The following AP3S1 variants were observed in gnomAD, a reference collection of about 807,000 sequenced individuals.
The protein encoded by AP3S1 is AP-3 complex subunit sigma-1.
In AP3S1, 12 loss-of-function variants were observed where a neutral mutation model predicts 21.3. The observed-to-expected ratio is 0.56, with a 90% CI of 0.36 to 0.91. The LOEUF (loss-of-function observed/expected upper bound fraction) is 0.91. Among genes scored for constraint, AP3S1 ranks in the 40% least tolerant of loss-of-function variants. AP3S1 has a pLI of 0.01. For synonymous variants in AP3S1, 48 were observed against 78.4 expected (o/e 0.61, Z 2.05); for missense variants, 116 against 225.0 (o/e 0.52, Z 3.10).
intron 3 of AP3S1, among the ~76,000 whole-genome samples, chr5:115,873,599 G>A (rs1483010258): frequency 6.6e-6 from 1 of 152,110 alleles, no homozygotes; most frequent in African/African-American, 2.4e-5. Context: ...ATTAAATACT[G>A]AAGAGGGAGT....
intron 4 of AP3S1, among the ~76,000 whole-genome samples, chr5:115,896,291 T>G (rs1447104359): frequency 6.6e-6 from 1 of 152,254 alleles, no homozygotes; most frequent in Non-Finnish European, 1.5e-5. Flanking sequence ...GCCAGTATTC[T>G]AGATCATATC....
intron 3 of AP3S1, among the ~76,000 whole-genome samples, chr5:115,885,131 G>C (rs1749668020): frequency 6.6e-6 from 1 of 151,976 alleles, no homozygotes; most frequent in African/African-American, 2.4e-5. Context: ...CTTCCTCCTG[G>C]TTCCAAAGAC....
chr5:115,885,691 T>A (rs1005359234), intron 3 of AP3S1, among the ~76,000 whole-genome samples: 28 of 152,302 alleles, frequency 1.8e-4, no homozygotes, highest in African/African-American at 6.7e-4. Flanking sequence ...AAACAATACT[T>A]TACCAGCTAT....
At chr5:115,878,579 A>G (rs1278442564) in intron 3 of AP3S1, among the ~76,000 whole-genome samples, 1 of 152,116 alleles carries the variant, frequency 6.6e-6, no homozygotes, top group Non-Finnish European at 1.5e-5. Flanking sequence ...CACCAGTACC[A>G]TGCTGTTTGG....
intron 1 of AP3S1, among the ~76,000 whole-genome samples, chr5:115,845,440 C>T (rs1054259404): frequency 1.3e-4 from 20 of 152,140 alleles, no homozygotes; most frequent in African/African-American, 4.1e-4. Context: ...TTGTTAGATT[C>T]GATTGTGGCT....
At chr5:115,892,470 G>A (rs1380465198) in intron 3 of AP3S1, among the ~76,000 whole-genome samples, 4 of 152,272 alleles carry the variant, frequency 2.6e-5, no homozygotes, top group African/African-American at 9.6e-5. Flanking sequence ...AATGGAGTAC[G>A]AGCAAAAAGA....
At chr5:115,882,253 A>G (rs1489264441) in intron 3 of AP3S1, among the ~76,000 whole-genome samples, 2 of 151,936 alleles carry the variant, frequency 1.3e-5, no homozygotes, top group Non-Finnish European at 2.9e-5. Flanking sequence ...CTTTTGAGGA[A>G]CTGTGGACCT....
At chr5:115,863,513 G>T (rs1404817027) in intron 1 of AP3S1, among the ~76,000 whole-genome samples, 3 of 152,066 alleles carry the variant, frequency 2.0e-5, no homozygotes, top group Non-Finnish European at 2.9e-5. Context: ...GTGGGTTGCA[G>T]TGAGTCAAAA....
At chr5:115,898,954 A>G (rs1287156688) in intron 4 of AP3S1, among the ~76,000 whole-genome samples, 1 of 152,170 alleles carries the variant, frequency 6.6e-6, no homozygotes, top group Non-Finnish European at 1.5e-5. Flanking sequence ...TGTTGCCCAT[A>G]TTGGAAGAAA....
chr5:115,856,709 A>G lies in AP3S1; in HGVS notation c.70-9961A>G, dbSNP rs115361386. Reference sequence around the variant, plus strand: ...GGCTGGTATGAAATTCCTGGCTTCAAGCAATCCTCCGGCCTCGGCCTCCCA... The same window carrying G: ...GGCTGGTATGAAATTCCTGGCTTCAGGCAATCCTCCGGCCTCGGCCTCCCA... On this transcript the variant is annotated intron_variant, in intron 1 of 5. Coordinates refer to ENST00000316788, the MANE Select transcript of AP3S1 (RefSeq NM_001284.4). Among the ~76,000 whole-genome samples the G allele has an allele frequency of 8.5e-3, 1,297 of 152,286 alleles. 11 individuals are homozygous for G. The highest frequency in any genetic ancestry group is 0.015 in the Non-Finnish European group (1,033 of 68,014).
chr5:115,842,052 C>G lies in AP3S1; in HGVS notation c.15C>G (p.Ile5Met). ...CCGGCACAGCCATGATCAAGGCGAT[C>G]CTAATCTTCAACAACCACGGGAAGC... is the stretch of plus-strand genomic sequence containing the variant. MIKA[I>M]LIFNNHGKPR... Residue 5 changes from isoleucine to methionine, a missense_variant, in exon 1 of 6, where the codon ATC (isoleucine) becomes ATG (methionine). Ile to Met is a conservative substitution (Grantham distance 10). This residue lies in a region of AP3S1 where 50 missense variants were observed against 55.5 expected (regional missense o/e 0.90). Transcript: ENST00000316788. The G allele has an allele frequency of 6.3e-7, 1 of 1,592,782 alleles. No individual in the cohort carries two copies. The highest frequency in any genetic ancestry group is 8.5e-7 in the Non-Finnish European group (1 of 1,170,420).
intron 5 of AP3S1, among the ~76,000 whole-genome samples, chr5:115,911,128 C>T (rs1469458265): frequency 1.3e-5 from 2 of 152,020 alleles, no homozygotes; most frequent in Non-Finnish European, 2.9e-5. Flanking sequence ...CAGTCGACAC[C>T]ATCTTTGGTC....
At chr5:115,910,052 C>G (rs912424070) in intron 5 of AP3S1, among the ~76,000 whole-genome samples, 1 of 152,038 alleles carries the variant, frequency 6.6e-6, no homozygotes, top group Non-Finnish European at 1.5e-5. Flanking sequence ...TCACTTGAGG[C>G]CAGGAGTTTG....
At chr5:115,894,581 A>C (rs1005195339) in intron 3 of AP3S1, among the ~76,000 whole-genome samples, 1 of 152,214 alleles carries the variant, frequency 6.6e-6, no homozygotes, top group Non-Finnish European at 1.5e-5. Context: ...AGGTCATACA[A>C]GTTATTCAGT....
intron 1 of AP3S1, among the ~76,000 whole-genome samples, chr5:115,853,848 C>T (rs1762616310): frequency 6.6e-6 from 1 of 152,132 alleles, no homozygotes; most frequent in South Asian, 2.1e-4. Context: ...AGTCTGTCAC[C>T]TTCTCAGCTT....
intron 5 of AP3S1, 91 bp from the exon 6 acceptor site, chr5:115,913,271 C>G: frequency 3.1e-6 from 3 of 965,338 alleles, no homozygotes; most frequent in Non-Finnish European, 2.6e-6. Context: ...ATATGAAAAT[C>G]TTTTATCATT....
At chr5:115,864,009 GA>G (rs1007444343) in intron 1 of AP3S1, among the ~76,000 whole-genome samples, 1 of 152,030 alleles carries the variant, frequency 6.6e-6, no homozygotes, top group Non-Finnish European at 1.5e-5. Flanking sequence ...TCTGGAAAAA[GA>G]AAAAAATCTA....
chr5:115,901,231 G>A (rs12519850), intron 4 of AP3S1, among the ~76,000 whole-genome samples: 5 of 151,796 alleles, frequency 3.3e-5, no homozygotes, highest in African/African-American at 9.7e-5. Flanking sequence ...ATATACACAC[G>A]TATAACAAGT....
chr5:115,873,799 A>G (rs1441257467), intron 3 of AP3S1, among the ~76,000 whole-genome samples: 1 of 152,194 alleles, frequency 6.6e-6, no homozygotes, highest in Non-Finnish European at 1.5e-5. Context: ...GTGGAAAATT[A>G]TAAACCAAGA....
Sources: gnomAD v4.1 joint callset for allele counts (sites outside exome capture counted in the v4.1 genomes callset) on GRCh38, gnomAD v4.1.1 for gene constraint, gnomAD v4.1.1 regional missense constraint, MANE v1.5 for transcripts, NCBI Gene and HGNC (gene_info 2026-07-23, HGNC 2026-07-21) for gene names.